PLCH1: variants seen among roughly 807,000 people sequenced by gnomAD.
PLCH1 encodes the protein 1-phosphatidylinositol 4,5-bisphosphate phosphodiesterase eta-1.
PLCH1 carries 60 observed loss-of-function variants against 126.7 expected under a neutral mutation model. The ratio of observed to expected loss-of-function variants is 0.47; its 90% CI spans 0.38 to 0.59. PLCH1 has a LOEUF of 0.59. Ranked by LOEUF, PLCH1 falls within the 20% of genes least tolerant of loss-of-function variation. PLCH1 has a pLI of 0.00. For synonymous variants in PLCH1, 719 were observed against 734.9 expected (o/e 0.98, Z 0.35); for missense variants, 1,723 against 2,040.0 (o/e 0.84, Z 2.99).
At chr3:155,651,555 T>C (rs1386556876) in intron 2 of PLCH1, among the ~76,000 whole-genome samples, 1 of 152,182 alleles carries the variant, frequency 6.6e-6, no homozygotes, top group Admixed American at 6.5e-5. Flanking sequence ...TTCCCAAGGA[T>C]GGGCATAGAT....
chr3:155,489,288 T>C (rs776956490), intron 19 of PLCH1, among the ~76,000 whole-genome samples: 1 of 152,322 alleles, frequency 6.6e-6, no homozygotes, highest in Non-Finnish European at 1.5e-5. Context: ...ATCCTCTTAT[T>C]TCTTATAGCA....
At chr3:155,644,373 C>G (rs572223359) in intron 2 of PLCH1, among the ~76,000 whole-genome samples, 1 of 152,276 alleles carries the variant, frequency 6.6e-6, no homozygotes, top group East Asian at 1.9e-4. Context: ...GAGGCCAAGG[C>G]AGGCAGATCA....
chr3:155,523,794 C>T (rs2108294453), intron 11 of PLCH1, 103 bp downstream of exon 11: 2 of 668,044 alleles, frequency 3.0e-6, no homozygotes, highest in East Asian at 5.5e-5. Context: ...CTTTCTACAC[C>T]ACAGCCACCA....
chr3:155,708,405 AAC>A (rs201502227), intron 1 of PLCH1, among the ~76,000 whole-genome samples: 3,244 of 152,290 alleles, frequency 0.021, 130 homozygotes, highest in African/African-American at 0.074. Flanking sequence ...GTTAGACTTC[AAC>A]TAAGACAAAC....
In PLCH1 at chr3:155,464,035, G is replaced by A. The variant is rs563136508; in HGVS notation, c.2938+21321C>T. Among the ~76,000 whole-genome samples, 170 of 152,332 alleles carry A rather than the reference G, an allele frequency of 1.1e-3. 3 individuals are homozygous for A. The South Asian group carries it at 0.034, about 30-fold the overall frequency. On this transcript the variant is annotated intron_variant, in intron 21 of 21. Transcript: ENST00000494598. ...CCCTTAGGGAAGTCTAGGTCTAGTGGAGAAGGCAGACATGTGAAGAGATCC... is the reference window on the plus strand; with the variant it reads ...CCCTTAGGGAAGTCTAGGTCTAGTGAAGAAGGCAGACATGTGAAGAGATCC...
intron 20 of PLCH1, among the ~76,000 whole-genome samples, chr3:155,488,416 C>T (rs1560057160): frequency 6.6e-6 from 1 of 152,078 alleles, no homozygotes; most frequent in Admixed American, 6.5e-5. Context: ...AGGCTGGTCT[C>T]GAACTCCTGA....
At chr3:155,607,528 C>T (rs1321393314) in intron 2 of PLCH1, among the ~76,000 whole-genome samples, 2 of 151,860 alleles carry the variant, frequency 1.3e-5, no homozygotes, top group East Asian at 1.9e-4. Context: ...GCAGCCTCAA[C>T]CTCCCTGGGC....
Position 155,547,988 on chromosome 3 carries a change from A to T in PLCH1, c.1362+1799T>A, listed in dbSNP as rs577829915. ...ACACCAGCATGGCACATGTATACATATGTAACTAACCTGCACATTGTGGAC... is the reference window on the plus strand; with the variant it reads ...ACACCAGCATGGCACATGTATACATTTGTAACTAACCTGCACATTGTGGAC... On this transcript the variant is annotated intron_variant, in intron 10 of 22. Coordinates refer to ENST00000460012, the MANE Select transcript of PLCH1 (RefSeq NM_014996.4). 2.0e-5 allele frequency among the ~76,000 whole-genome samples: 3 copies of T among 152,060 alleles called. No individual in the cohort carries two copies. In the East Asian group the frequency reaches 5.8e-4, roughly 29 times the overall value.
At position 155,493,536 on chromosome 3, in the gene PLCH1, C is replaced by T. The variant is rs554603597; in HGVS notation, c.2182+605G>A. Among the ~76,000 whole-genome samples the T allele has an allele frequency of 3.3e-5, 5 of 152,212 alleles. No individual in the cohort carries two copies. The South Asian group carries it at 8.3e-4, about 25-fold the overall frequency. On this transcript the variant is annotated intron_variant, in intron 17 of 22. Transcript: ENST00000460012. Reference sequence around the variant, plus strand: ...CCAAGTAGCTGGGACTACAGGCACGCACCACTATGCCCAGCTAATTCTGAT... The same window carrying T: ...CCAAGTAGCTGGGACTACAGGCACGTACCACTATGCCCAGCTAATTCTGAT...
At chr3:155,564,885 C>T in intron 8 of PLCH1, 30 bp downstream of exon 8, 1 of 1,492,416 alleles carries the variant, frequency 6.7e-7, no homozygotes. Flanking sequence ...GTCACCCATA[C>T]ACACCGGAGC....
Position 155,704,149 on chromosome 3 carries a change from GA to G in PLCH1, c.75del (p.His26MetfsTer6), listed in dbSNP as rs1478166122. The G allele has an allele frequency of 8.3e-7, 1 of 1,211,314 alleles. No individual in the cohort carries two copies. The highest frequency in any genetic ancestry group is 1.0e-6 in the Non-Finnish European group (1 of 969,428). 75.0% of individuals were successfully genotyped at this position (1,211,314 alleles called of 1,614,324 possible). A position where few individuals can be genotyped will look rare whatever the true frequency, so the allele number is the denominator to read the frequency against. ...ATAAATACAAGAGACAGCTTACCATGAAACACACTGTTGTCCACCAGAAAAT... is the reference window on the plus strand; with the variant it reads ...ATAAATACAAGAGACAGCTTACCATGAACACACTGTTGTCCACCAGAAAAT... ...RRHFLVDNSV[F>X]HVERCMSVMQ... On this transcript the variant is annotated frameshift_variant, in exon 2 of 23. Transcript: ENST00000460012. LOFTEE classifies it high-confidence loss of function.
chr3:155,687,466 G>T (rs1745040343), intron 2 of PLCH1, among the ~76,000 whole-genome samples: 1 of 152,108 alleles, frequency 6.6e-6, no homozygotes, highest in Non-Finnish European at 1.5e-5. Context: ...TGCAGAACTT[G>T]TTCTCTAGCT....
At chr3:155,711,335 T>C (rs1191109760) in intron 1 of PLCH1, among the ~76,000 whole-genome samples, 1 of 152,190 alleles carries the variant, frequency 6.6e-6, no homozygotes, top group East Asian at 1.9e-4. Context: ...CTGACATTTT[T>C]AGTTGTAGTT....
At chr3:155,571,699 A>G (rs1729250671) in intron 6 of PLCH1, among the ~76,000 whole-genome samples, 1 of 152,196 alleles carries the variant, frequency 6.6e-6, no homozygotes, top group Non-Finnish European at 1.5e-5. Context: ...GCACCCGGCC[A>G]TCTTTCTATT....
At chr3:155,728,107 T>C (rs906371611) in intron 1 of PLCH1, among the ~76,000 whole-genome samples, 1 of 152,238 alleles carries the variant, frequency 6.6e-6, no homozygotes, top group African/African-American at 2.4e-5. Context: ...CACTGAGCTT[T>C]TGGCATGAGT....
chr3:155,474,869 T>G (rs1216845784), intron 21 of PLCH1, among the ~76,000 whole-genome samples: 3 of 108,570 alleles, frequency 2.8e-5, no homozygotes, highest in Non-Finnish European at 5.3e-5. Context: ...TAGGTGGGAG[T>G]TGAACAATGA....
intron 10 of PLCH1, among the ~76,000 whole-genome samples, chr3:155,542,059 G>A (rs973606440): frequency 1.3e-5 from 2 of 152,208 alleles, no homozygotes; most frequent in Admixed American, 6.5e-5. Flanking sequence ...AGTGCACCAT[G>A]CGCGAGCCGA....
rs769744803 is a variant in PLCH1 at position 155,583,583 on chromosome 3, G to A, written c.660C>T (p.Tyr220=). The stretch of plus-strand genomic sequence containing the variant: ...GGTCTCGTCTCAAAGACATCATTTT[G>A]TAAAAAACACAGAACTCTTCAAATG... The part of the protein sequence containing the change: ...TLTFEEFCVF[Y]KMMSLRRDLY... The change falls in exon 6 of 23, where the codon TAC becomes TAT. Residue 220 remains tyrosine, a synonymous_variant. Coordinates refer to ENST00000460012, the MANE Select transcript of PLCH1 (RefSeq NM_014996.4). The A allele has an allele frequency of 4.4e-6, 7 of 1,602,206 alleles. No individual in the cohort carries two copies. The highest frequency in any genetic ancestry group is 5.9e-6 in the Non-Finnish European group (7 of 1,176,670).
At chr3:155,689,236 G>GA (rs1474723318) in intron 2 of PLCH1, among the ~76,000 whole-genome samples, 3 of 152,106 alleles carry the variant, frequency 2.0e-5, no homozygotes, top group East Asian at 3.9e-4. Context: ...CTACGAGTCT[G>GA]AAAAAAACAC....
Sources: allele counts gnomAD v4.1 joint callset (sites outside exome capture counted in the v4.1 genomes callset), GRCh38; gene constraint gnomAD v4.1.1; transcripts MANE v1.5; gene names NCBI Gene and HGNC (gene_info 2026-07-23, HGNC 2026-07-21).